FAF1: variants seen among roughly 807,000 people sequenced by gnomAD.
FAF1 encodes FAS-associated factor 1.
FAF1 carries 25 observed loss-of-function variants against 92.5 expected under a neutral mutation model. The observed-to-expected ratio is 0.27, with a 90% CI of 0.20 to 0.38. The LOEUF (loss-of-function observed/expected upper bound fraction) is 0.38. Ranked by LOEUF, FAF1 falls within the 10% of genes least tolerant of loss-of-function variation. FAF1 has a pLI of 1.00. For missense variants in FAF1, 636 were observed against 793.3 expected (o/e 0.80, Z 2.38); for synonymous variants, 234 against 273.2 (o/e 0.86, Z 1.42).
At chr1:50,513,409 G>C (rs1204151385) in intron 15 of FAF1, among the ~76,000 whole-genome samples, 1 of 152,136 alleles carries the variant, frequency 6.6e-6, no homozygotes, top group Non-Finnish European at 1.5e-5. Context: ...AGAATTGTTT[G>C]AGCCTGGGAG....
At chr1:50,461,340 C>CT (rs1341045037) in intron 18 of FAF1, 5 of 152,176 alleles carry the variant, frequency 3.3e-5, no homozygotes, top group Non-Finnish European at 5.9e-5. Context: ...TGATCTTCTC[C>CT]TGTCGTATCT....
At chr1:50,750,914 C>A (rs1408586209) in intron 4 of FAF1, among the ~76,000 whole-genome samples, 1 of 151,334 alleles carries the variant, frequency 6.6e-6, no homozygotes, top group African/African-American at 2.4e-5. Context: ...TGAGCCACCG[C>A]ACCTGGCCAG....
intron 1 of FAF1, among the ~76,000 whole-genome samples, chr1:50,887,469 G>T (rs777995996): frequency 3.7e-4 from 56 of 152,158 alleles, no homozygotes; most frequent in Non-Finnish European, 6.3e-4. Flanking sequence ...TAGCCTGAAT[G>T]GTATTGCCTA....
rs568937198 is a variant in FAF1, at chr1:50,794,112, G to A, written c.162-5907C>T. ...CTATACTTTGATACTTTGGTAGGACGCATGCATGTTAGGGATTAGCAGACA... is the reference window on the plus strand; with the variant it reads ...CTATACTTTGATACTTTGGTAGGACACATGCATGTTAGGGATTAGCAGACA... On this transcript the variant is annotated intron_variant, in intron 3 of 18. Transcript: ENST00000396153. 7.2e-5 allele frequency among the ~76,000 whole-genome samples: 11 copies of A among 152,296 alleles called. No homozygotes were observed. The South Asian group carries it at 8.3e-4, about 11-fold the overall frequency.
chr1:50,524,207 G>A (rs1322707538), intron 15 of FAF1, among the ~76,000 whole-genome samples: 1 of 152,178 alleles, frequency 6.6e-6, no homozygotes, highest in Non-Finnish European at 1.5e-5. Flanking sequence ...TTTGAAAAGT[G>A]TCTGTTCGTG....
chr1:50,939,531 C>A (rs1355207095), intron 1 of FAF1, among the ~76,000 whole-genome samples: 1 of 152,150 alleles, frequency 6.6e-6, no homozygotes, highest in African/African-American at 2.4e-5. Flanking sequence ...CCTGCTCTGG[C>A]TAGGACTATG....
rs76393990 is a variant in FAF1 at position 50,825,672 on chromosome 1, C to T, written c.115-23995G>A. ...AGAATACCTGAACACAAAAAAAACC[C>T]GACATAATAACAAAGATAACTGGAT... On this transcript the variant is annotated intron_variant, in intron 2 of 18. Transcript: ENST00000396153. Among the ~76,000 whole-genome samples, 123 of 151,918 alleles carry T rather than the reference C, an allele frequency of 8.1e-4. 3 individuals are homozygous for T. The East Asian group carries it at 0.015, about 18-fold the overall frequency.
intron 3 of FAF1, among the ~76,000 whole-genome samples, chr1:50,796,869 C>A (rs573478395): frequency 3.9e-5 from 6 of 152,172 alleles, no homozygotes; most frequent in Admixed American, 1.3e-4. Context: ...GTGGCTCACA[C>A]CTGTAATCCC....
chr1:50,767,323 C>A (rs1660612062), intron 4 of FAF1, among the ~76,000 whole-genome samples: 1 of 152,130 alleles, frequency 6.6e-6, no homozygotes, highest in South Asian at 2.1e-4. Context: ...CATTAAGAGA[C>A]CACATCTACA....
intron 14 of FAF1, 114 bp downstream of exon 14, chr1:50,539,478 A>T (rs1315310618): frequency 1.5e-6 from 1 of 652,886 alleles, no homozygotes; most frequent in African/African-American, 1.9e-5. Context: ...AGGATATTCT[A>T]TATTTTCAAA....
intron 8 of FAF1, among the ~76,000 whole-genome samples, chr1:50,648,913 C>T (rs1467506865): frequency 2.0e-5 from 3 of 152,058 alleles, no homozygotes; most frequent in Admixed American, 6.5e-5. Context: ...GTAACAAGAG[C>T]GAAACTCCAT....
At chr1:50,836,822 C>T (rs1644209435) in intron 2 of FAF1, among the ~76,000 whole-genome samples, 1 of 151,984 alleles carries the variant, frequency 6.6e-6, no homozygotes, top group South Asian at 2.1e-4. Flanking sequence ...AGGATATTCT[C>T]TTTATAACCA....
At chr1:50,761,219 C>T (rs958512322) in intron 4 of FAF1, among the ~76,000 whole-genome samples, 2 of 152,148 alleles carry the variant, frequency 1.3e-5, no homozygotes, top group African/African-American at 4.8e-5. Context: ...CTAAAAGAGT[C>T]CAGGACCAGA....
In FAF1 at chr1:50,753,934, T is replaced by C. The variant is rs148942124; in HGVS notation, c.368-9159A>G. The stretch of plus-strand genomic sequence containing the variant: ...CACCATGCTCAGCTAATTTTTGTAT[T>C]TTTGGCAGAGACGGGGTTTCAACAC... On this transcript the variant is annotated intron_variant, in intron 4 of 18. Coordinates refer to ENST00000396153, the MANE Select transcript of FAF1 (RefSeq NM_007051.3). Among the ~76,000 whole-genome samples the C allele has an allele frequency of 3.6e-3, 550 of 152,088 alleles. 3 individuals carry two copies. The highest frequency in any genetic ancestry group is 0.013 in the African/African-American group (533 of 41,496).
intron 12 of FAF1, among the ~76,000 whole-genome samples, chr1:50,569,033 C>G (rs948654965): frequency 6.6e-6 from 1 of 152,084 alleles, no homozygotes; most frequent in Non-Finnish European, 1.5e-5. Context: ...AAATGGTGAA[C>G]AAGAAAGACT....
intron 18 of FAF1, among the ~76,000 whole-genome samples, chr1:50,472,221 C>CA (rs1317197181): frequency 6.6e-6 from 1 of 152,030 alleles, no homozygotes; most frequent in African/African-American, 2.4e-5. Flanking sequence ...TTTTAGGACT[C>CA]AACTACCTCA....
intron 1 of FAF1, among the ~76,000 whole-genome samples, chr1:50,900,400 A>G (rs1446744648): frequency 6.6e-6 from 1 of 152,008 alleles, no homozygotes; most frequent in Non-Finnish European, 1.5e-5. Flanking sequence ...TGCAATGGTG[A>G]TTATTGTTTT....
rs367656097 is a variant in FAF1 at position 50,744,096 on chromosome 1, A to G, written c.459+588T>C. Among the ~76,000 whole-genome samples, 28 of 152,230 alleles carry G rather than the reference A, an allele frequency of 1.8e-4. No individual in the cohort carries two copies. In the South Asian group the frequency reaches 4.6e-3, roughly 25 times the overall value. On this transcript the variant is annotated intron_variant, in intron 5 of 18. Transcript: ENST00000396153. ...AAAAAAAAAGTGTGTAAAAAATGTT[A>G]TATCTGAGGTTGCTACTGGGTTCCT...
In FAF1 at chr1:50,490,067, A is replaced by T. The variant is rs12027560; in HGVS notation, c.1653+521T>A. Among the ~76,000 whole-genome samples the T allele has an allele frequency of 4.3e-4, 66 of 152,302 alleles. No homozygotes were observed. The East Asian group carries it at 0.012, about 29-fold the overall frequency. ...AGAGAAATAAGTTGTAAGAAATATT[A>T]ACAGTTTTGCAGCTGGGTGCGGTGG... On this transcript the variant is annotated intron_variant, in intron 17 of 18. Transcript: ENST00000396153.
Sources: allele counts gnomAD v4.1 joint callset (sites outside exome capture counted in the v4.1 genomes callset), GRCh38; gene constraint gnomAD v4.1.1; transcripts MANE v1.5; gene names NCBI Gene and HGNC (gene_info 2026-07-23, HGNC 2026-07-21).